The following POGLUT3 variants were observed in gnomAD, a reference collection of about 807,000 sequenced individuals.
POGLUT3 encodes KDEL (Lys-Asp-Glu-Leu) containing 2.
In POGLUT3, 48 loss-of-function variants were observed where a neutral mutation model predicts 54.3. The observed-to-expected ratio is 0.88, with a 90% CI of 0.70 to 1.12. The LOEUF (loss-of-function observed/expected upper bound fraction) is 1.12, where lower values mean the gene tolerates loss of function less well. Ranked by LOEUF, POGLUT3 falls within the 50% of genes most tolerant of loss-of-function variation. POGLUT3 has a pLI of 0.00. For missense variants in POGLUT3, 629 were observed against 618.7 expected (o/e 1.02, Z -0.18); for synonymous variants, 218 against 237.4 (o/e 0.92, Z 0.75).
intron 2 of POGLUT3, among the ~76,000 whole-genome samples, chr11:108,487,800 C>T (rs1027128307): frequency 8.6e-5 from 13 of 151,670 alleles, no homozygotes; most frequent in Non-Finnish European, 1.5e-5. Flanking sequence ...TTAGTAGAGA[C>T]GGGGTTTCAC....
chr11:108,491,202 G>T, intron 1 of POGLUT3, 35 bp from the exon 2 acceptor site: 1 of 1,503,218 alleles, frequency 6.7e-7, no homozygotes, highest in Non-Finnish European at 9.2e-7. Context: ...ACTCTACCAT[G>T]TCATGATAAT....
intron 7 of POGLUT3, among the ~76,000 whole-genome samples, chr11:108,477,140 A>C (rs900735049): frequency 1.3e-5 from 2 of 152,146 alleles, no homozygotes; most frequent in Admixed American, 1.3e-4. Flanking sequence ...GGTGGCTCAC[A>C]CCTGTATCCC....
chr11:108,491,072 A>T lies in POGLUT3; in HGVS notation c.298T>A (p.Phe100Ile). The change falls in exon 2 of 8, where the codon TTT becomes ATT. Residue 100 changes from phenylalanine to isoleucine, a missense_variant. Physicochemically the swap from Phe to Ile is conservative, Grantham distance 21 (BLOSUM62 0). Coordinates refer to ENST00000323468, the MANE Select transcript of POGLUT3 (RefSeq NM_153705.5). ...PKPLDRNDGTFLMRYRMYETV... is the reference protein window; with the variant it reads ...PKPLDRNDGTILMRYRMYETV... Reference sequence around the variant, plus strand: ...TCATACATCCTATATCTCATCAAAAATGTTCCATCATTCCTGTCCAAAGGT... The same window carrying T: ...TCATACATCCTATATCTCATCAAAATTGTTCCATCATTCCTGTCCAAAGGT... 6.2e-7 allele frequency: 1 copy of T among 1,613,792 alleles called. No homozygotes were observed.
chr11:108,477,364 A>C (rs1361033028), intron 7 of POGLUT3, among the ~76,000 whole-genome samples: 3 of 152,172 alleles, frequency 2.0e-5, no homozygotes. Flanking sequence ...GAGACACTGC[A>C]CTCCAGCCTG....
At chr11:108,496,569 A>C (rs917025523) in intron 1 of POGLUT3, among the ~76,000 whole-genome samples, 2 of 152,228 alleles carry the variant, frequency 1.3e-5, no homozygotes, top group African/African-American at 4.8e-5. Context: ...ATATACACAC[A>C]TGCGTTTCTG....
chr11:108,494,422 C>A (rs374666261), intron 1 of POGLUT3, among the ~76,000 whole-genome samples: 1 of 152,214 alleles, frequency 6.6e-6, no homozygotes, highest in African/African-American at 2.4e-5. Context: ...ACGACGAACA[C>A]CCTCCAAGAT....
chr11:108,481,179 C>A lies in POGLUT3; in HGVS notation c.1098+1G>T, dbSNP rs1471693075. The A allele has an allele frequency of 1.2e-6, 2 of 1,604,556 alleles. No individual in the cohort carries two copies. Among genetic ancestry groups the A allele is most frequent in the Middle Eastern group, 2.0e-4 (1 of 5,120 alleles). ...CCATAGAAGAAGACTCAAATGCATACCTTAAAGAAATCAAAGAAACCCATC... is the reference window on the plus strand; with the variant it reads ...CCATAGAAGAAGACTCAAATGCATAACTTAAAGAAATCAAAGAAACCCATC... On this transcript the variant is annotated splice_donor_variant, in intron 5 of 7. Coordinates refer to ENST00000323468, the MANE Select transcript of POGLUT3 (RefSeq NM_153705.5). LOFTEE classifies it high-confidence loss of function.
chr11:108,486,115 C>T (rs1208735288), intron 3 of POGLUT3, 42 bp downstream of exon 3: 2 of 1,427,234 alleles, frequency 1.4e-6, no homozygotes, highest in Admixed American at 1.8e-5. Flanking sequence ...AATGTTATAC[C>T]TAAATAATTA....
In POGLUT3 at chr11:108,495,380, A is replaced by T. The variant is rs1427014972; in HGVS notation, c.202+2785T>A. On this transcript the variant is annotated intron_variant, in intron 1 of 7. Transcript: ENST00000323468. ...GTAGATGGGTTTTGCCATGTTGCCC[A>T]GACTGGTCTCAAACTTCTGAGTTCA... Among the ~76,000 whole-genome samples the T allele has an allele frequency of 4.6e-5, 7 of 152,206 alleles. No homozygotes were observed. In the East Asian group the frequency reaches 1.3e-3, roughly 29 times the overall value.
rs570925307 is a variant in POGLUT3 at position 108,472,607 on chromosome 11, G to T, written c.*2220C>A. 2 of 152,252 alleles carry T rather than the reference G, an allele frequency of 1.3e-5. No individual in the cohort carries two copies. The highest frequency in any genetic ancestry group is 4.8e-5 in the African/African-American group (2 of 41,554). The allele number at this position is 152,252 out of a possible 1,614,324, so 9.4% of individuals were successfully genotyped here. On this transcript the variant is annotated 3_prime_UTR_variant, in exon 8 of 8. Transcript: ENST00000323468. The stretch of plus-strand genomic sequence containing the variant: ...CTGTTCCACACACTGAATCTGCCTG[G>T]TTTGTCTCAACTTGCTTTTAACTAT...
intron 1 of POGLUT3, 63 bp downstream of exon 1, chr11:108,498,102 C>A: frequency 7.1e-7 from 1 of 1,402,392 alleles, no homozygotes; most frequent in Non-Finnish European, 9.4e-7. Context: ...GGCGGACTCC[C>A]GGGCGGCGGG....
intron 1 of POGLUT3, 190 bp from the exon 2 acceptor site, chr11:108,491,357 T>C (rs2093613034): frequency 4.9e-6 from 3 of 613,168 alleles, no homozygotes; most frequent in East Asian, 5.5e-5. Flanking sequence ...TTCTTTTTTT[T>C]TTTTTTTTCT....
intron 7 of POGLUT3, among the ~76,000 whole-genome samples, chr11:108,475,461 TTG>T (rs1171120925): frequency 8.1e-6 from 1 of 122,854 alleles, no homozygotes; most frequent in Non-Finnish European, 1.7e-5. Context: ...GGAGTTTTTT[TTG>T]TTTTTGTTTT....
rs750568803 is a variant in POGLUT3 at position 108,491,113 on chromosome 11, C to T, written c.257G>A (p.Arg86Gln). 34 of 1,613,892 alleles carry T rather than the reference C, an allele frequency of 2.1e-5. 1 individual carries two copies. Among genetic ancestry groups the T allele is most frequent in the East Asian group, 6.7e-5 (3 of 44,886 alleles). ...VKSLSPKELV[R>Q]IHVPKPLDRN... Reference sequence around the variant, plus strand: ...GTCCAAAGGTTTAGGGACATGTATCCGGACCAACTCTTTAGGTGAAAGAGA... The same window carrying T: ...GTCCAAAGGTTTAGGGACATGTATCTGGACCAACTCTTTAGGTGAAAGAGA... The change falls in exon 2 of 8, where the codon CGG becomes CAG. Residue 86 changes from arginine (R) to glutamine (Q), a missense_variant. Coordinates refer to ENST00000323468, the MANE Select transcript of POGLUT3 (RefSeq NM_153705.5).
At chr11:108,493,785 C>G (rs1449731653) in intron 1 of POGLUT3, among the ~76,000 whole-genome samples, 1 of 105,332 alleles carries the variant, frequency 9.5e-6, no homozygotes. Flanking sequence ...GCCTGGGCAA[C>G]AAAGCTAGAC....
chr11:108,481,749 G>C (rs1468088878), intron 4 of POGLUT3, among the ~76,000 whole-genome samples: 2 of 152,104 alleles, frequency 1.3e-5, no homozygotes, highest in Non-Finnish European at 2.9e-5. Flanking sequence ...CAGTGACTGG[G>C]TCCACTCACC....
Position 108,474,704 on chromosome 11 carries a change from T to G in POGLUT3, c.*123A>C, listed in dbSNP as rs558828735. ...ACCAGTACTGCTATATCCATCTACATATATAAAGCCACCGGGAGAACTAGT... is the reference window on the plus strand; with the variant it reads ...ACCAGTACTGCTATATCCATCTACAGATATAAAGCCACCGGGAGAACTAGT... On this transcript the variant is annotated 3_prime_UTR_variant, in exon 8 of 8. Transcript: ENST00000323468. 8.2e-6 allele frequency: 9 copies of G among 1,101,826 alleles called. No individual in the cohort carries two copies. The highest frequency in any genetic ancestry group is 1.2e-5 in the Non-Finnish European group (9 of 758,492). The allele number at this position is 1,101,826 out of a possible 1,614,324, so 68.3% of individuals were successfully genotyped here.
At chr11:108,479,573 A>G in intron 5 of POGLUT3, 78 bp from the exon 6 acceptor site, 1 of 993,036 alleles carries the variant, frequency 1.0e-6, no homozygotes, top group Non-Finnish European at 1.4e-6. Context: ...ACACTGTAAT[A>G]CCAACTACAG....
At chr11:108,475,932 T>G (rs951801347) in intron 7 of POGLUT3, among the ~76,000 whole-genome samples, 1 of 151,982 alleles carries the variant, frequency 6.6e-6, no homozygotes, top group Admixed American at 6.6e-5. Context: ...AGGCTGAGGC[T>G]GGAGAATCAC....
Sources: allele counts gnomAD v4.1 joint callset (sites outside exome capture counted in the v4.1 genomes callset), GRCh38; gene constraint gnomAD v4.1.1; transcripts MANE v1.5; gene names NCBI Gene and HGNC (gene_info 2026-07-23, HGNC 2026-07-21).